Variants in TSPAN18 observed in about 807,000 individuals in gnomAD.
TSPAN18 encodes the protein tetraspanin-18.
TSPAN18 carries 14 observed loss-of-function variants against 27.3 expected under a neutral mutation model. The ratio of observed to expected loss-of-function variants is 0.51; its 90% CI spans 0.34 to 0.80. The LOEUF (loss-of-function observed/expected upper bound fraction) is 0.80. TSPAN18 is among the 30% of genes least tolerant of loss of function. The pLI, the probability that TSPAN18 is intolerant of heterozygous loss-of-function variation, is 0.01. For synonymous variants in TSPAN18, 143 were observed against 136.5 expected, an observed-to-expected ratio of 1.05 and a Z score of -0.33; for missense variants, 268 against 323.9, an observed-to-expected ratio of 0.83 and a Z score of 1.32.
Position 44,919,372 on chromosome 11 carries a change from G to A in TSPAN18, c.432+60G>A. 3 of 1,391,954 alleles carry A rather than the reference G, an allele frequency of 2.2e-6. 1 individual carries two copies. The highest frequency in any genetic ancestry group is 4.6e-5 in the East Asian group (2 of 43,676). The allele number at this position is 1,391,954 out of a possible 1,614,324, so 86.2% of individuals were successfully genotyped here. On this transcript the variant is annotated intron_variant, in intron 7 of 9. Coordinates refer to ENST00000520358, the MANE Select transcript of TSPAN18 (RefSeq NM_130783.5). Reference sequence around the variant, plus strand: ...GAGCCACGATGCCCAGTGTTCACATGCCCACGCCAGGCATCAGTAATCAAT... The same window carrying A: ...GAGCCACGATGCCCAGTGTTCACATACCCACGCCAGGCATCAGTAATCAAT...
chr11:44,908,187 T>C (rs1194532426), intron 4 of TSPAN18, among the ~76,000 whole-genome samples: 1 of 152,112 alleles, frequency 6.6e-6, no homozygotes, highest in Admixed American at 6.5e-5. Flanking sequence ...ACTGGACTCC[T>C]GCCCTAAGGT....
chr11:44,773,541 C>T (rs957719464), intron 2 of TSPAN18, among the ~76,000 whole-genome samples: 2 of 152,042 alleles, frequency 1.3e-5, no homozygotes, highest in African/African-American at 2.4e-5. Flanking sequence ...TTGTTTAGAA[C>T]TGTCAGCTTT....
chr11:44,882,688 CAG>C (rs1370532395), intron 3 of TSPAN18, among the ~76,000 whole-genome samples: 1 of 150,366 alleles, frequency 6.7e-6, no homozygotes, highest in African/African-American at 2.5e-5. Flanking sequence ...AGAGCAGAGA[CAG>C]AGAGACAAGA....
chr11:44,755,667 C>A (rs1249253407), intron 1 of TSPAN18, among the ~76,000 whole-genome samples: 1 of 152,014 alleles, frequency 6.6e-6, no homozygotes, highest in African/African-American at 2.4e-5. Context: ...TGCTTTGGAG[C>A]CATAAATTGC....
At chr11:44,826,822 C>T (rs1857052592) in intron 2 of TSPAN18, among the ~76,000 whole-genome samples, 1 of 152,054 alleles carries the variant, frequency 6.6e-6, no homozygotes, top group South Asian at 2.1e-4. Flanking sequence ...GTGGGGAGTG[C>T]CTTGGGGAGC....
intron 3 of TSPAN18, among the ~76,000 whole-genome samples, chr11:44,883,120 G>A (rs924088230): frequency 6.6e-6 from 1 of 152,204 alleles, no homozygotes; most frequent in African/African-American, 2.4e-5. Flanking sequence ...TTTACAGGAT[G>A]AGACCCACCT....
At position 44,918,879 on chromosome 11, in the gene TSPAN18, G is replaced by A. The variant is rs575382108; in HGVS notation, c.334-335G>A. On this transcript the variant is annotated intron_variant, in intron 6 of 9. Transcript: ENST00000520358. ...AGGGCATCTGCTTGGCTCTGTCTGG[G>A]GAACAGCTCAGGTGGAAGGGGTGGG... Among the ~76,000 whole-genome samples, 3 of 151,974 alleles carry A rather than the reference G, an allele frequency of 2.0e-5. No individual in the cohort carries two copies. In the South Asian group the frequency reaches 6.3e-4, roughly 32 times the overall value.
At chr11:44,911,067 G>A (rs1859693538) in intron 5 of TSPAN18, among the ~76,000 whole-genome samples, 3 of 152,240 alleles carry the variant, frequency 2.0e-5, no homozygotes, top group Admixed American at 2.0e-4. Flanking sequence ...TGTGCTGGGT[G>A]GATGGGTCTT....
intron 2 of TSPAN18, among the ~76,000 whole-genome samples, chr11:44,827,085 A>G (rs1857059144): frequency 2.0e-5 from 3 of 152,110 alleles, no homozygotes; most frequent in Admixed American, 2.0e-4. Context: ...GCTGGGCTGG[A>G]GTCTTGGGTG....
chr11:44,906,325 CG>C (rs1283223964), intron 3 of TSPAN18, 81 bp from the exon 4 acceptor site: 15 of 1,264,206 alleles, frequency 1.2e-5, no homozygotes, highest in Admixed American at 1.7e-5. Flanking sequence ...GGGCTGGCTG[CG>C]GGGAACCCCT....
intron 3 of TSPAN18, among the ~76,000 whole-genome samples, chr11:44,872,609 T>A (rs891104053): frequency 2.0e-5 from 3 of 152,244 alleles, no homozygotes; most frequent in African/African-American, 7.2e-5. Flanking sequence ...TATTTAATGA[T>A]AGCAGGTATC....
intron 2 of TSPAN18, among the ~76,000 whole-genome samples, chr11:44,772,752 C>A (rs112478483): frequency 6.6e-6 from 1 of 152,196 alleles, no homozygotes; most frequent in African/African-American, 2.4e-5. Flanking sequence ...TCCGCCTCCC[C>A]GGTTCAAGTG....
intron 9 of TSPAN18, among the ~76,000 whole-genome samples, chr11:44,927,312 T>G (rs1156897370): frequency 2.0e-5 from 3 of 152,228 alleles, no homozygotes; most frequent in African/African-American, 7.2e-5. Context: ...GCCTCCCGTT[T>G]CTGTCCTCTG....
chr11:44,816,277 C>T (rs1205702800), intron 2 of TSPAN18, among the ~76,000 whole-genome samples: 1 of 151,710 alleles, frequency 6.6e-6, no homozygotes, highest in Non-Finnish European at 1.5e-5. Flanking sequence ...GGGTGAGAAC[C>T]AGGAGGCAGT....
chr11:44,845,660 G>C (rs114661397), intron 2 of TSPAN18, among the ~76,000 whole-genome samples: 1,976 of 152,334 alleles, frequency 0.013, 43 homozygotes, highest in African/African-American at 0.045. Flanking sequence ...CAGACCAAGA[G>C]AACTGCATGG....
intron 2 of TSPAN18, among the ~76,000 whole-genome samples, chr11:44,775,320 C>T (rs999416546): frequency 6.6e-6 from 1 of 152,184 alleles, no homozygotes; most frequent in African/African-American, 2.4e-5. Flanking sequence ...CTGGGAACCC[C>T]GTACCTGGAG....
chr11:44,902,961 T>G (rs1241131781), intron 3 of TSPAN18, among the ~76,000 whole-genome samples: 2 of 152,172 alleles, frequency 1.3e-5, no homozygotes, highest in Non-Finnish European at 2.9e-5. Context: ...AGCACCAGGC[T>G]TCCTTCACAC....
intron 1 of TSPAN18, among the ~76,000 whole-genome samples, chr11:44,735,135 T>C (rs1443271000): frequency 6.6e-6 from 1 of 152,194 alleles, no homozygotes; most frequent in Non-Finnish European, 1.5e-5. Context: ...TTGAAGAGTG[T>C]AGCCTTCCCC....
intron 2 of TSPAN18, among the ~76,000 whole-genome samples, chr11:44,851,259 C>T (rs528266308): frequency 8.5e-5 from 13 of 152,264 alleles, no homozygotes; most frequent in Middle Eastern, 3.4e-3. Flanking sequence ...AAGCTGCTTC[C>T]GGCGTCACCT....
Sources: gnomAD v4.1 joint callset for allele counts (sites outside exome capture counted in the v4.1 genomes callset) on GRCh38, gnomAD v4.1.1 for gene constraint, MANE v1.5 for transcripts, NCBI Gene and HGNC (gene_info 2026-07-23, HGNC 2026-07-21) for gene names.